The following ADAMTSL3 variants were observed in gnomAD, a reference collection of about 807,000 sequenced individuals.
ADAMTSL3 encodes ADAMTS like 3, also known as ADAMTS-like protein 3.
A neutral mutation model predicts 201.7 loss-of-function variants in ADAMTSL3; 128 were observed. That is an observed-to-expected ratio of 0.63 (90% CI 0.55 to 0.73). ADAMTSL3 has a LOEUF of 0.73. Among genes scored for constraint, ADAMTSL3 ranks in the 30% least tolerant of loss-of-function variants. The pLI is 0.00. For missense variants in ADAMTSL3, 1,990 were observed against 2,119.6 expected (o/e 0.94, Z 1.20); for synonymous variants, 738 against 748.4 (o/e 0.99, Z 0.23).
At position 83,749,490 on chromosome 15, in the gene ADAMTSL3, A is replaced by G. The variant is rs548115724; in HGVS notation, c.190-24033A>G. Among the ~76,000 whole-genome samples the G allele has an allele frequency of 2.0e-5, 3 of 152,342 alleles. No individual in the cohort carries two copies. The South Asian group carries it at 6.2e-4, about 32-fold the overall frequency. Reference sequence around the variant, plus strand: ...GAACAGTTCTGATGAGCTGTGATGGACAGAACAATTGGACTGCAGTGGCTG... The same window carrying G: ...GAACAGTTCTGATGAGCTGTGATGGGCAGAACAATTGGACTGCAGTGGCTG... On this transcript the variant is annotated intron_variant, in intron 3 of 29. Transcript: ENST00000286744.
intron 17 of ADAMTSL3, among the ~76,000 whole-genome samples, chr15:83,932,847 G>A (rs1596429961): frequency 6.6e-6 from 1 of 152,304 alleles, no homozygotes; most frequent in East Asian, 1.9e-4. Context: ...GTGAGAGTCA[G>A]TGGGGGAAAA....
At chr15:83,723,468 T>C (rs2062129658) in intron 3 of ADAMTSL3, among the ~76,000 whole-genome samples, 1 of 152,182 alleles carries the variant, frequency 6.6e-6, no homozygotes, top group African/African-American at 2.4e-5. Flanking sequence ...GAGGGAATAG[T>C]CTAAGTAAAA....
intron 8 of ADAMTSL3, among the ~76,000 whole-genome samples, chr15:83,865,235 A>C (rs961316678): frequency 3.3e-5 from 5 of 152,212 alleles, no homozygotes; most frequent in African/African-American, 7.2e-5. Context: ...GCTACCAATG[A>C]CTTTCTTCAC....
rs1188894592 is a variant in ADAMTSL3 at position 83,890,394 on chromosome 15, G to A, written c.1211+147G>A. ...TGCCTACATTCACATTTGTAACTAT[G>A]GTGCATAGGAATTAGGACACATTCA... On this transcript the variant is annotated intron_variant, in intron 11 of 29. Coordinates refer to ENST00000286744, the MANE Select transcript of ADAMTSL3 (RefSeq NM_207517.3). The A allele has an allele frequency of 3.0e-6, 3 of 1,013,798 alleles. No individual in the cohort carries two copies. The African/African-American group carries it at 4.9e-5, about 17-fold the overall frequency. The allele number at this position is 1,013,798 out of a possible 1,614,324, so 62.8% of individuals were successfully genotyped here.
chr15:83,745,857 G>A (rs1452835622), intron 3 of ADAMTSL3, among the ~76,000 whole-genome samples: 1 of 152,206 alleles, frequency 6.6e-6, no homozygotes, highest in Non-Finnish European at 1.5e-5. Flanking sequence ...TGTTGTCATG[G>A]AAAGAGGCTG....
rs147262383 is a variant in ADAMTSL3, at chr15:83,969,083, C to T, written c.2491-1401C>T. ...CGGGTTGATGGGTGCAGCAAACCAC[C>T]ATGGCACATGTGGACCTGTATAACA... is the stretch of plus-strand genomic sequence containing the variant. On this transcript the variant is annotated intron_variant, in intron 19 of 29. Coordinates refer to ENST00000286744, the MANE Select transcript of ADAMTSL3 (RefSeq NM_207517.3). Among the ~76,000 whole-genome samples the T allele has an allele frequency of 1.8e-3, 275 of 152,244 alleles. 1 individual carries two copies. Among genetic ancestry groups the T allele is most frequent in the Non-Finnish European group, 2.8e-3 (188 of 68,030 alleles).
intron 16 of ADAMTSL3, among the ~76,000 whole-genome samples, chr15:83,919,809 C>G (rs2066104130): frequency 6.6e-6 from 1 of 152,028 alleles, no homozygotes; most frequent in African/African-American, 2.4e-5. Context: ...GGTGAAACTC[C>G]AAGCACAGTC....
chr15:84,039,678 A>G lies in ADAMTSL3; in HGVS notation c.*1872A>G, dbSNP rs920200909. On this transcript the variant is annotated 3_prime_UTR_variant, in exon 30 of 30. Transcript: ENST00000286744. The stretch of plus-strand genomic sequence containing the variant: ...TTTGTATTTAAAGTTAAAAGTTACT[A>G]TTTTTCATTTGCTATTGTACTTTCA... 6.6e-6 allele frequency: 1 copy of G among 152,474 alleles called. No individual in the cohort carries two copies. Among genetic ancestry groups the G allele is most frequent in the African/African-American group, 2.4e-5 (1 of 41,402 alleles). 9.4% of individuals were successfully genotyped at this position (152,474 alleles called of 1,614,324 possible).
chr15:83,721,614 G>A (rs543757962), intron 3 of ADAMTSL3, among the ~76,000 whole-genome samples: 141 of 152,280 alleles, frequency 9.3e-4, no homozygotes, highest in Non-Finnish European at 1.5e-3. Context: ...TACATGTTCC[G>A]TAGTTTGAGA....
At chr15:84,036,240 T>C (rs2068503006) in intron 28 of ADAMTSL3, among the ~76,000 whole-genome samples, 1 of 152,316 alleles carries the variant, frequency 6.6e-6, no homozygotes, top group South Asian at 2.1e-4. Context: ...AGATTCTTAT[T>C]CTCATATGGT....
intron 6 of ADAMTSL3, among the ~76,000 whole-genome samples, chr15:83,829,160 CT>C (rs989557377): frequency 6.6e-5 from 10 of 152,088 alleles, no homozygotes; most frequent in African/African-American, 2.4e-4. Context: ...TGGTCCTGGA[CT>C]TTTTTTGGTT....
intron 15 of ADAMTSL3, among the ~76,000 whole-genome samples, chr15:83,909,117 T>C (rs919435504): frequency 2.6e-5 from 4 of 152,212 alleles, no homozygotes; most frequent in Non-Finnish European, 5.9e-5. Flanking sequence ...CTTATTAGTC[T>C]ACTTACATTT....
chr15:83,905,864 T>C (rs184609670), intron 15 of ADAMTSL3, among the ~76,000 whole-genome samples: 1 of 152,262 alleles, frequency 6.6e-6, no homozygotes, highest in African/African-American at 2.4e-5. Context: ...CTTGCCTTTT[T>C]CCCCATACGT....
chr15:83,859,166 C>G (rs988482032), intron 8 of ADAMTSL3, among the ~76,000 whole-genome samples: 1 of 152,184 alleles, frequency 6.6e-6, no homozygotes, highest in African/African-American at 2.4e-5. Flanking sequence ...CAGGCAAAGT[C>G]ACAAATTAAT....
chr15:83,988,449 A>G (rs951824103), intron 21 of ADAMTSL3, among the ~76,000 whole-genome samples: 1 of 152,194 alleles, frequency 6.6e-6, no homozygotes, highest in Non-Finnish European at 1.5e-5. Context: ...GGATGGGAAG[A>G]CTGGATCTCT....
At chr15:84,010,243 G>A (rs981703007) in intron 23 of ADAMTSL3, among the ~76,000 whole-genome samples, 2 of 152,176 alleles carry the variant, frequency 1.3e-5, no homozygotes, top group Admixed American at 6.5e-5. Context: ...GAAATGATTT[G>A]CACTTTTGCC....
In ADAMTSL3 at chr15:83,726,057, C is replaced by A. The variant is rs1040453170; in HGVS notation, c.189+21549C>A. Among the ~76,000 whole-genome samples, 6 of 152,004 alleles carry A rather than the reference C, an allele frequency of 3.9e-5. No homozygotes were observed. The South Asian group carries it at 1.2e-3, about 32-fold the overall frequency. ...ATATCTTTTCCTTTTTTTGGTGTGT[C>A]CTCTTCAATTTCTTGCATCAACGTT... On this transcript the variant is annotated intron_variant, in intron 3 of 29. Transcript: ENST00000286744.
At chr15:83,914,856 TG>T (rs1555459942) in intron 16 of ADAMTSL3, among the ~76,000 whole-genome samples, 7 of 23,518 alleles carry the variant, frequency 3.0e-4, no homozygotes, top group East Asian at 3.2e-3. Flanking sequence ...TGGTTTTGTT[TG>T]TTTGTTTGTT....
chr15:83,744,027 T>G (rs533466886), intron 3 of ADAMTSL3, among the ~76,000 whole-genome samples: 7 of 152,190 alleles, frequency 4.6e-5, no homozygotes, highest in Admixed American at 3.3e-4. Context: ...ATTTTTTGTA[T>G]TTTTAGTAGA....
Sources: gnomAD v4.1 joint callset for allele counts (sites outside exome capture counted in the v4.1 genomes callset) on GRCh38, gnomAD v4.1.1 for gene constraint, MANE v1.5 for transcripts, NCBI Gene and HGNC (gene_info 2026-07-23, HGNC 2026-07-21) for gene names.